PRKCE: variants seen among roughly 807,000 people sequenced by gnomAD.
PRKCE encodes the protein protein kinase C epsilon, also known as protein kinase C epsilon type.
A neutral mutation model predicts 85.4 loss-of-function variants in PRKCE; 16 were observed. That is an observed-to-expected ratio of 0.19 (90% confidence interval 0.13 to 0.28). The LOEUF is 0.28. Among genes scored for constraint, PRKCE ranks in the 10% least tolerant of loss-of-function variants. The pLI is 1.00. For synonymous variants in PRKCE, 388 were observed against 371.5 expected, an observed-to-expected ratio of 1.04 and a Z score of -0.51; for missense variants, 573 against 975.2, an observed-to-expected ratio of 0.59 and a Z score of 5.49.
chr2:45,725,856 A>C (rs748099524), intron 1 of PRKCE, among the ~76,000 whole-genome samples: 3 of 152,082 alleles, frequency 2.0e-5, no homozygotes, highest in Admixed American at 6.5e-5. Flanking sequence ...ACCGCCACCA[A>C]CAACAAAAAA....
At position 45,786,197 on chromosome 2, in the gene PRKCE, G is replaced by A. The variant is rs1052265026; in HGVS notation, c.349-56803G>A. On this transcript the variant is annotated intron_variant, in intron 1 of 14. Coordinates refer to ENST00000306156, the MANE Select transcript of PRKCE (RefSeq NM_005400.3). The surrounding 1 kb of genome is among the most constrained non-coding windows in gnomAD (Gnocchi z 5.3). ...TCTGCCAGTGACTTATTTATCCCCC[G>A]TGCTGCTTCTTGCTCTCCGGTTTCC... 3.3e-5 allele frequency among the ~76,000 whole-genome samples: 5 copies of A among 152,164 alleles called. No individual in the cohort carries two copies. Among genetic ancestry groups the A allele is most frequent in the South Asian group, 2.1e-4 (1 of 4,830 alleles).
chr2:45,713,503 A>C (rs72884479), intron 1 of PRKCE, among the ~76,000 whole-genome samples: 3,495 of 152,204 alleles, frequency 0.023, 131 homozygotes, highest in African/African-American at 0.081. Flanking sequence ...CTGCTGTAAG[A>C]AACTCAGTAT....
intron 10 of PRKCE, among the ~76,000 whole-genome samples, chr2:46,015,691 C>CAAAAAAAAAAAAAAAAAAA (rs749060776): frequency 3.7e-5 from 3 of 80,798 alleles, no homozygotes; most frequent in African/African-American, 1.4e-4. Flanking sequence ...AACACTAAAC[C>CAAAAAAAAAAAAAAAAAAA]AAAAAAAAAA....
rs115849115 is a variant in PRKCE, at chr2:45,797,435, G to A, written c.349-45565G>A. Among the ~76,000 whole-genome samples the A allele has an allele frequency of 3.4e-3, 519 of 152,324 alleles. 2 individuals are homozygous for A. Among genetic ancestry groups the A allele is most frequent in the Non-Finnish European group, 5.0e-3 (342 of 68,034 alleles). On this transcript the variant is annotated intron_variant, in intron 1 of 14. Coordinates refer to ENST00000306156, the MANE Select transcript of PRKCE (RefSeq NM_005400.3). ...ACACCTGTGGACCCAGTTCCATGGT[G>A]CACCACATACCTGTTCACTTGCAGA...
At chr2:45,742,027 G>T (rs1682621458) in intron 1 of PRKCE, among the ~76,000 whole-genome samples, 1 of 152,106 alleles carries the variant, frequency 6.6e-6, no homozygotes, top group South Asian at 2.1e-4. Context: ...TTGCTTCCAG[G>T]TGCTCTCCAT....
chr2:45,674,999 A>T (rs368839056), intron 1 of PRKCE: 2 of 152,190 alleles, frequency 1.3e-5, no homozygotes, highest in African/African-American at 4.8e-5. Flanking sequence ...CTTAATTTCC[A>T]TTTGCCTTGG....
At chr2:46,151,257 G>A (rs1459291966) in intron 13 of PRKCE, 28 bp downstream of exon 13, 1 of 1,568,848 alleles carries the variant, frequency 6.4e-7, no homozygotes, top group South Asian at 1.2e-5. Context: ...ACCCATGGCT[G>A]TGCTCTCCTG....
chr2:45,957,001 T>G (rs987410839), intron 2 of PRKCE, among the ~76,000 whole-genome samples: 23 of 152,022 alleles, frequency 1.5e-4, no homozygotes, highest in Non-Finnish European at 2.8e-4. Context: ...TGCTTAATAA[T>G]TATTGAGTTC....
intron 2 of PRKCE, among the ~76,000 whole-genome samples, chr2:45,957,835 C>G (rs1339485791): frequency 2.0e-5 from 3 of 151,852 alleles, no homozygotes; most frequent in African/African-American, 4.8e-5. Context: ...TAGTCTGAGT[C>G]CAGAGGTTCA....
chr2:46,176,226 T>G (rs892947498), intron 14 of PRKCE, among the ~76,000 whole-genome samples: 12 of 152,042 alleles, frequency 7.9e-5, no homozygotes, highest in African/African-American at 2.9e-4. Flanking sequence ...TTAATAAAGC[T>G]CACCTGGGGA....
At chr2:45,913,315 T>G (rs1398798668) in intron 2 of PRKCE, among the ~76,000 whole-genome samples, 2 of 152,176 alleles carry the variant, frequency 1.3e-5, no homozygotes, top group South Asian at 2.1e-4. Context: ...GCCAGACTAA[T>G]TTTTGTATCT....
At chr2:45,666,908 A>G (rs906643840) in intron 1 of PRKCE, among the ~76,000 whole-genome samples, 9 of 152,174 alleles carry the variant, frequency 5.9e-5, no homozygotes, top group Non-Finnish European at 1.0e-4. Context: ...TGGTGTGATC[A>G]TAACTCACTG....
chr2:45,961,805 C>T (rs769221185), intron 2 of PRKCE, among the ~76,000 whole-genome samples: 1 of 152,280 alleles, frequency 6.6e-6, no homozygotes, highest in Middle Eastern at 3.4e-3. Flanking sequence ...AAGCGATTCT[C>T]CTGCCTGAGC....
chr2:46,061,474 G>A (rs749796823), intron 10 of PRKCE, among the ~76,000 whole-genome samples: 1 of 152,066 alleles, frequency 6.6e-6, no homozygotes, highest in Non-Finnish European at 1.5e-5. Context: ...TTCTCTGGGT[G>A]AGAGAAGAAC....
chr2:46,172,287 C>T (rs943439779), intron 14 of PRKCE, among the ~76,000 whole-genome samples: 13 of 152,230 alleles, frequency 8.5e-5, no homozygotes, highest in African/African-American at 3.1e-4. Flanking sequence ...GGGCACTTAG[C>T]GACATATCCA....
At chr2:45,770,807 G>C (rs908722167) in intron 1 of PRKCE, 2 of 151,916 alleles carry the variant, frequency 1.3e-5, no homozygotes, top group African/African-American at 4.8e-5. Flanking sequence ...TTGCCATGTG[G>C]AGACAATGAG....
In PRKCE at chr2:45,688,191, G is replaced by T. The variant is rs558886961; in HGVS notation, c.348+35743G>T. On this transcript the variant is annotated intron_variant, in intron 1 of 14. Transcript: ENST00000306156. ...CAGCATAATTATAGGTGAGGAAATT[G>T]CTAAGAGAGGTCCCTGAGCAGTTGG... is the stretch of plus-strand genomic sequence containing the variant. Among the ~76,000 whole-genome samples, 4 of 152,300 alleles carry T rather than the reference G, an allele frequency of 2.6e-5. No individual in the cohort carries two copies. The South Asian group carries it at 8.3e-4, about 32-fold the overall frequency.
At chr2:45,744,639 G>T (rs562415691) in intron 1 of PRKCE, among the ~76,000 whole-genome samples, 5 of 143,660 alleles carry the variant, frequency 3.5e-5, no homozygotes, top group Admixed American at 2.2e-4. Flanking sequence ...ACAGAGTCTC[G>T]CTGTGTCACC....
chr2:45,728,753 G>C (rs1681306647), intron 1 of PRKCE, among the ~76,000 whole-genome samples: 1 of 152,156 alleles, frequency 6.6e-6, no homozygotes, highest in East Asian at 1.9e-4. Context: ...GCTAATTATT[G>C]AGGCCCTGTG....
Sources: allele counts gnomAD v4.1 joint callset (sites outside exome capture counted in the v4.1 genomes callset), GRCh38; gene constraint gnomAD v4.1.1; non-coding constraint Gnocchi (gnomAD v3.1); transcripts MANE v1.5; gene names NCBI Gene and HGNC (gene_info 2026-07-23, HGNC 2026-07-21).